The following DACH2 variants were observed in gnomAD, a reference collection of about 807,000 sequenced individuals.
The protein encoded by DACH2 is dachshund homolog 2.
Under a neutral mutation model 35.8 loss-of-function variants are expected in DACH2, and 17 were observed. The observed-to-expected ratio is 0.48, with a 90% CI of 0.33 to 0.71. The LOEUF is 0.71. DACH2 is among the 30% of genes least tolerant of loss of function. The pLI is 0.02. For synonymous variants in DACH2, 195 were observed against 177.3 expected (o/e 1.10, Z -0.79); for missense variants, 469 against 472.7 (o/e 0.99, Z 0.07).
At position 86,164,781 on chromosome X, in the gene DACH2, C is replaced by G. The variant is rs1306663801; in HGVS notation, c.488+15673C>G. Among the ~76,000 whole-genome samples the G allele has an allele frequency of 4.5e-5, 5 of 110,748 alleles. No homozygotes were observed. In the East Asian group the frequency reaches 1.4e-3, roughly 31 times the overall value. The stretch of plus-strand genomic sequence containing the variant: ...TTATTTTTGGGTTCTGTATTCTGTT[C>G]CATTGGTCTGTGTGTCTGTTCTTGT... On this transcript the variant is annotated intron_variant, in intron 1 of 11. Coordinates refer to ENST00000373125, the MANE Select transcript of DACH2 (RefSeq NM_053281.3).
intron 1 of DACH2, among the ~76,000 whole-genome samples, chrX:86,314,615 A>C (rs768524304): frequency 1.8e-5 from 2 of 112,461 alleles, no homozygotes. Flanking sequence ...ACAGTTATCC[A>C]GATCTTGAAT....
At position 86,464,657 on chromosome X, in the gene DACH2, G is replaced by A. The variant is rs2037634275; in HGVS notation, c.528-49622G>A. Among the ~76,000 whole-genome samples, 3 of 110,502 alleles carry A rather than the reference G, an allele frequency of 2.7e-5. No homozygotes were observed. In the South Asian group the frequency reaches 1.2e-3, roughly 43 times the overall value. On this transcript the variant is annotated intron_variant, in intron 2 of 11. Coordinates refer to ENST00000373125, the MANE Select transcript of DACH2 (RefSeq NM_053281.3). ...CCTATGTAACAAACCTGCATGTTCT[G>A]CACATGTATCCCATAACTTAAAGTA... is the stretch of plus-strand genomic sequence containing the variant.
chrX:86,194,399 G>A (rs2031919174), intron 1 of DACH2, among the ~76,000 whole-genome samples: 1 of 111,716 alleles, frequency 9.0e-6, no homozygotes, highest in Admixed American at 9.6e-5. Flanking sequence ...TGAAACAGCT[G>A]CCACCAAGGG....
At chrX:86,688,998 G>C (rs755501311) in intron 4 of DACH2, among the ~76,000 whole-genome samples, 2 of 111,528 alleles carry the variant, frequency 1.8e-5, no homozygotes, top group Non-Finnish European at 3.8e-5. Context: ...ATATTGGCAA[G>C]TGCAGCCCTA....
chrX:86,777,456 C>G (rs946482335), intron 7 of DACH2, among the ~76,000 whole-genome samples: 2 of 111,182 alleles, frequency 1.8e-5, no homozygotes, highest in Non-Finnish European at 3.8e-5. Flanking sequence ...GGAAGCTTAC[C>G]AAATTTTGAA....
chrX:86,677,951 A>C (rs1046599473), intron 4 of DACH2, among the ~76,000 whole-genome samples: 2 of 112,326 alleles, frequency 1.8e-5, no homozygotes, highest in Non-Finnish European at 3.8e-5. Context: ...GCAGATGAAT[A>C]CTTGGAGGGA....
At chrX:86,366,888 A>G (rs892361633) in intron 1 of DACH2, among the ~76,000 whole-genome samples, 2 of 111,040 alleles carry the variant, frequency 1.8e-5, no homozygotes, top group Admixed American at 9.6e-5. Flanking sequence ...CCAGAAGCAG[A>G]TGATGGCACT....
intron 7 of DACH2, among the ~76,000 whole-genome samples, chrX:86,789,286 G>T (rs2042165932): frequency 8.9e-6 from 1 of 111,836 alleles, no homozygotes; most frequent in Admixed American, 9.5e-5. Flanking sequence ...GTCTCTGATG[G>T]AATTTTTGTG....
intron 1 of DACH2, among the ~76,000 whole-genome samples, chrX:86,199,076 T>C (rs1168163347): frequency 9.0e-6 from 1 of 111,087 alleles, no homozygotes; most frequent in Non-Finnish European, 1.9e-5. Context: ...CATGATCAAG[T>C]ATGCTTTATG....
chrX:86,557,335 G>A (rs2039146167), intron 3 of DACH2, among the ~76,000 whole-genome samples: 1 of 111,293 alleles, frequency 9.0e-6, no homozygotes, highest in Non-Finnish European at 1.9e-5. Flanking sequence ...ATCACAACAT[G>A]TGGGTGGGCT....
intron 5 of DACH2, among the ~76,000 whole-genome samples, chrX:86,697,694 T>G (rs1206854081): frequency 1.5e-5 from 1 of 65,387 alleles, no homozygotes; most frequent in East Asian, 4.4e-4. Flanking sequence ...AAGAAAATGC[T>G]AGGGATAAAA....
chrX:86,381,974 T>C (rs1419185440), intron 2 of DACH2, among the ~76,000 whole-genome samples: 5 of 110,904 alleles, frequency 4.5e-5, no homozygotes, highest in Non-Finnish European at 9.5e-5. Flanking sequence ...TGACTTTGTG[T>C]TTGCTTTCAA....
At chrX:86,545,531 CT>C in intron 3 of DACH2, among the ~76,000 whole-genome samples, 1 of 111,790 alleles carries the variant, frequency 8.9e-6, no homozygotes, top group East Asian at 2.8e-4. Context: ...ATATGTACCC[CT>C]GAACTGAAAG....
At chrX:86,768,514 G>A (rs760025784) in intron 7 of DACH2, among the ~76,000 whole-genome samples, 4 of 111,304 alleles carry the variant, frequency 3.6e-5, no homozygotes, top group East Asian at 2.8e-4. Flanking sequence ...TTAATAATTC[G>A]AAAGCGATTC....
chrX:86,629,967 A>G (rs1036215113), intron 3 of DACH2, among the ~76,000 whole-genome samples: 1 of 112,089 alleles, frequency 8.9e-6, no homozygotes, highest in Non-Finnish European at 1.9e-5. Flanking sequence ...GATGAACTTT[A>G]TATAAATTTT....
intron 6 of DACH2, among the ~76,000 whole-genome samples, chrX:86,738,001 C>G (rs1392824708): frequency 1.8e-5 from 2 of 111,428 alleles, no homozygotes; most frequent in African/African-American, 6.5e-5. Context: ...ATCTTCAAAG[C>G]CAGCAATGTT....
At chrX:86,320,265 T>G (rs764646069) in intron 1 of DACH2, among the ~76,000 whole-genome samples, 83 of 112,479 alleles carry the variant, frequency 7.4e-4, no homozygotes, top group East Asian at 1.1e-3. Context: ...ACATAAAGCC[T>G]TTAAAATATA....
At chrX:86,483,970 T>G (rs73631950) in intron 2 of DACH2, among the ~76,000 whole-genome samples, 1,261 of 111,946 alleles carry the variant, frequency 0.011, 18 homozygotes, top group African/African-American at 0.038. Flanking sequence ...TATGTATACA[T>G]GAGTGTCATA....
chrX:86,563,195 C>A (rs894948679), intron 3 of DACH2, among the ~76,000 whole-genome samples: 2 of 109,174 alleles, frequency 1.8e-5, no homozygotes, highest in Non-Finnish European at 3.8e-5. Flanking sequence ...AGAGACTGAT[C>A]ATTGGATTTC....
Sources: allele counts gnomAD v4.1 joint callset (sites outside exome capture counted in the v4.1 genomes callset), GRCh38; gene constraint gnomAD v4.1.1; transcripts MANE v1.5; gene names NCBI Gene and HGNC (gene_info 2026-07-23, HGNC 2026-07-21).